The following LMNB1 variants were observed in gnomAD, a reference collection of about 807,000 sequenced individuals.
LMNB1 encodes the protein lamin B1, also known as lamin-B1.
A neutral mutation model predicts 67.1 loss-of-function variants in LMNB1; 23 were observed. The observed-to-expected ratio is 0.34, with a 90% CI of 0.25 to 0.49. The LOEUF (loss-of-function observed/expected upper bound fraction) is 0.49, where lower values mean the gene tolerates loss of function less well. Among genes scored for constraint, LMNB1 ranks in the 20% least tolerant of loss-of-function variants. LMNB1 has a pLI of 0.99. For synonymous variants in LMNB1, 281 were observed against 282.9 expected (o/e 0.99, Z 0.07); for missense variants, 634 against 746.5 (o/e 0.85, Z 1.76).
intron 1 of LMNB1, among the ~76,000 whole-genome samples, chr5:126,802,532 C>T (rs1484017261): frequency 6.6e-6 from 1 of 152,118 alleles, no homozygotes; most frequent in East Asian, 1.9e-4. Flanking sequence ...CAACCTCTAC[C>T]TCCCGGGTTC....
chr5:126,814,696 G>A (rs1393215808), intron 5 of LMNB1, among the ~76,000 whole-genome samples: 1 of 152,060 alleles, frequency 6.6e-6, no homozygotes, highest in Non-Finnish European at 1.5e-5. Context: ...GCGCTACCAC[G>A]CCCAGCTAAT....
At chr5:126,782,158 C>T (rs552575438) in intron 1 of LMNB1, among the ~76,000 whole-genome samples, 7 of 152,280 alleles carry the variant, frequency 4.6e-5, no homozygotes, top group African/African-American at 1.7e-4. Flanking sequence ...CTAGATATAA[C>T]AGAAAGTTAA....
intron 1 of LMNB1, among the ~76,000 whole-genome samples, chr5:126,787,476 G>C (rs1750822551): frequency 7.2e-6 from 1 of 139,496 alleles, no homozygotes; most frequent in East Asian, 2.0e-4. Flanking sequence ...TTATGTATAT[G>C]TTACTTATAT....
chr5:126,832,260 T>C (rs1181534595), intron 9 of LMNB1, among the ~76,000 whole-genome samples: 1 of 151,768 alleles, frequency 6.6e-6, no homozygotes, highest in Non-Finnish European at 1.5e-5. Context: ...AGAGTGAGAC[T>C]CTGTCTCCAA....
intron 6 of LMNB1, among the ~76,000 whole-genome samples, 188 bp from the exon 7 acceptor site, chr5:126,820,722 C>T (rs1407802732): frequency 6.6e-6 from 1 of 151,960 alleles, no homozygotes; most frequent in Non-Finnish European, 1.5e-5. Context: ...GACGGGGTTT[C>T]ACCATGTTGG....
At chr5:126,825,858 A>G (rs1751983552) in intron 8 of LMNB1, 130 bp from the exon 9 acceptor site, 1 of 1,250,584 alleles carries the variant, frequency 8.0e-7, no homozygotes, top group Non-Finnish European at 1.1e-6. Context: ...ATAGCTGTGT[A>G]TAGCACTCTG....
At chr5:126,792,781 G>C (rs1750994928) in intron 1 of LMNB1, among the ~76,000 whole-genome samples, 1 of 151,764 alleles carries the variant, frequency 6.6e-6, no homozygotes, top group Non-Finnish European at 1.5e-5. Context: ...TCTCCATGCT[G>C]GTCAGGCTGG....
chr5:126,820,058 C>G (rs1427057718), intron 6 of LMNB1, among the ~76,000 whole-genome samples: 1 of 151,990 alleles, frequency 6.6e-6, no homozygotes, highest in Non-Finnish European at 1.5e-5. Flanking sequence ...GACAGAATTG[C>G]TTGAACCTGG....
intron 2 of LMNB1, 117 bp from the exon 3 acceptor site, chr5:126,805,454 C>T: frequency 2.9e-6 from 2 of 684,816 alleles, no homozygotes; most frequent in Non-Finnish European, 2.4e-6. Flanking sequence ...AGTAATTATA[C>T]ATTGATAAAT....
At chr5:126,820,466 T>G (rs534382174) in intron 6 of LMNB1, among the ~76,000 whole-genome samples, 35 of 152,330 alleles carry the variant, frequency 2.3e-4, no homozygotes, top group Admixed American at 8.5e-4. Flanking sequence ...AACTTTGGCT[T>G]TGGCTAACAG....
At chr5:126,800,019 T>C (rs950897516) in intron 1 of LMNB1, among the ~76,000 whole-genome samples, 2 of 152,212 alleles carry the variant, frequency 1.3e-5, no homozygotes, top group Non-Finnish European at 2.9e-5. Flanking sequence ...GGTCTCAGAA[T>C]AACCTGGGTC....
chr5:126,779,260 G>A (rs1462142020), intron 1 of LMNB1, among the ~76,000 whole-genome samples: 1 of 152,176 alleles, frequency 6.6e-6, no homozygotes, highest in African/African-American at 2.4e-5. Context: ...AGCGAAAAAC[G>A]ATAACTGCAC....
In LMNB1 at chr5:126,777,862, C is replaced by G. The variant is rs1009469054; in HGVS notation, c.354C>G (p.Leu118=). The part of the protein sequence containing the change: ...GKCKAEHDQL[L]LNYAKKESDL... ...GCAAGGCGGAACACGACCAGCTGCT[C>G]CTCAAGTGAGTGCTAGCTGGCGGCC... The change falls in exon 1 of 11, where the codon CTC becomes CTG. Residue 118 remains leucine, a synonymous_variant. Coordinates refer to ENST00000261366, the MANE Select transcript of LMNB1 (RefSeq NM_005573.4). 3.5e-6 allele frequency: 5 copies of G among 1,418,746 alleles called. No homozygotes were observed. The African/African-American group carries it at 4.5e-5, about 13-fold the overall frequency. 87.9% of individuals were successfully genotyped at this position (1,418,746 alleles called of 1,614,324 possible).
chr5:126,784,096 C>A (rs1342966358), intron 1 of LMNB1, among the ~76,000 whole-genome samples: 1 of 136,906 alleles, frequency 7.3e-6, no homozygotes, highest in African/African-American at 2.8e-5. Flanking sequence ...GCGATCTCAG[C>A]TCACTGCAAC....
At chr5:126,790,872 A>G (rs2112933470) in intron 1 of LMNB1, among the ~76,000 whole-genome samples, 1 of 152,044 alleles carries the variant, frequency 6.6e-6, no homozygotes, top group Admixed American at 6.6e-5. Context: ...AGTACAAAAA[A>G]TTAGCCGGTG....
At chr5:126,781,948 G>A (rs1056961855) in intron 1 of LMNB1, among the ~76,000 whole-genome samples, 2 of 152,174 alleles carry the variant, frequency 1.3e-5, no homozygotes, top group African/African-American at 4.8e-5. Context: ...TGCAGGTGGT[G>A]TCTGAATCCA....
chr5:126,809,804 T>C (rs1270452647), intron 3 of LMNB1, among the ~76,000 whole-genome samples: 2 of 152,250 alleles, frequency 1.3e-5, no homozygotes, highest in Non-Finnish European at 2.9e-5. Flanking sequence ...GTTCTTAAGA[T>C]TATCAATGAA....
chr5:126,807,793 G>A lies in LMNB1; in HGVS notation c.642+2097G>A, dbSNP rs142818937. Among the ~76,000 whole-genome samples, 508 of 152,170 alleles carry A rather than the reference G, an allele frequency of 3.3e-3. 4 individuals are homozygous for A. Among genetic ancestry groups the A allele is most frequent in the African/African-American group, 0.012 (490 of 41,500 alleles). ...TAATTTAATATTTTTAGAGTGCATA[G>A]CATCTTTGAATTTTTGGCCTTTGCC... On this transcript the variant is annotated intron_variant, in intron 3 of 10. Transcript: ENST00000261366.
chr5:126,815,300 C>G (rs1406331206), intron 5 of LMNB1: 1 of 152,026 alleles, frequency 6.6e-6, no homozygotes, highest in Admixed American at 6.6e-5. Flanking sequence ...CTTTAAAATA[C>G]TGGTTTTACA....
Sources: allele counts gnomAD v4.1 joint callset (sites outside exome capture counted in the v4.1 genomes callset), GRCh38; gene constraint gnomAD v4.1.1; transcripts MANE v1.5; gene names NCBI Gene and HGNC (gene_info 2026-07-23, HGNC 2026-07-21).